Variants in CACNA1E observed in about 807,000 individuals in gnomAD.
The protein encoded by CACNA1E is calcium voltage-gated channel subunit alpha1 E, also known as voltage-dependent R-type calcium channel subunit alpha-1E.
CACNA1E carries 40 observed loss-of-function variants against 259.2 expected under a neutral mutation model. The ratio of observed to expected loss-of-function variants is 0.15; its 90% CI spans 0.12 to 0.20. The LOEUF (loss-of-function observed/expected upper bound fraction) is 0.20. Among genes scored for constraint, CACNA1E ranks in the 10% least tolerant of loss-of-function variants. CACNA1E has a pLI of 1.00. For synonymous variants in CACNA1E, 1,104 were observed against 1,138.5 expected (o/e 0.97, Z 0.61); for missense variants, 1,874 against 3,040.1 (o/e 0.62, Z 9.02).
chr1:181,319,961 C>G (rs1265683712), intron 1 of CACNA1E, among the ~76,000 whole-genome samples: 1 of 152,234 alleles, frequency 6.6e-6, no homozygotes, highest in Non-Finnish European at 1.5e-5. Context: ...AATGCCCATT[C>G]CTGGAGTGGA....
rs1186922512 is a variant in CACNA1E at position 181,805,084 on chromosome 1, C to A, written c.*6250C>A. The A allele has an allele frequency of 6.6e-6, 1 of 152,082 alleles. No individual in the cohort carries two copies. The highest frequency in any genetic ancestry group is 1.5e-5 in the Non-Finnish European group (1 of 68,014). The allele number at this position is 152,082 out of a possible 1,614,324, so 9.4% of individuals were successfully genotyped here. On this transcript the variant is annotated 3_prime_UTR_variant, in exon 48 of 48. Coordinates refer to ENST00000367573, the MANE Select transcript of CACNA1E (RefSeq NM_001205293.3). ...CCCAGCATTGGAAATCTGAACGAAT[C>A]TTTTCTCTTTTTGTCCTACAAGTTT...
At chr1:181,334,884 T>G (rs1257686990) in intron 1 of CACNA1E, among the ~76,000 whole-genome samples, 5 of 152,208 alleles carry the variant, frequency 3.3e-5, no homozygotes, top group Non-Finnish European at 7.3e-5. Context: ...AGCCTTAAAA[T>G]GGCCTATGGA....
Position 181,785,317 on chromosome 1 carries a change from G to T in CACNA1E, c.5579-1G>T. The T allele has an allele frequency of 6.3e-7, 1 of 1,595,504 alleles. No individual in the cohort carries two copies. Among genetic ancestry groups the T allele is most frequent in the Non-Finnish European group, 8.6e-7 (1 of 1,163,438 alleles). On this transcript the variant is annotated splice_acceptor_variant, in intron 41 of 47. Transcript: ENST00000367573. LOFTEE classifies it high-confidence loss of function. ...CCATCATGCCACATTTGTGTTTCTAGCCTCTGACCTGACTGTGGGCAAAAT... is the reference window on the plus strand; with the variant it reads ...CCATCATGCCACATTTGTGTTTCTATCCTCTGACCTGACTGTGGGCAAAAT...
chr1:181,474,288 G>A (rs915327992), intron 2 of CACNA1E, among the ~76,000 whole-genome samples: 2 of 152,228 alleles, frequency 1.3e-5, no homozygotes, highest in African/African-American at 4.8e-5. Flanking sequence ...TAAATCTTGA[G>A]TGCATGTATA....
rs1320817023 is a variant in CACNA1E, at chr1:181,732,473, C to T, written c.2387C>T (p.Ala796Val). The T allele has an allele frequency of 6.4e-7, 1 of 1,551,186 alleles. No individual in the cohort carries two copies. The highest frequency in any genetic ancestry group is 1.2e-5 in the South Asian group (1 of 84,038). The change falls in exon 20 of 48, where the codon GCC (alanine) becomes GTC (valine). Residue 796 changes from alanine to valine, a missense_variant. Coordinates refer to ENST00000367573, the MANE Select transcript of CACNA1E (RefSeq NM_001205293.3). This position sits in a 1 kb window ranked among gnomAD's most constrained non-coding sequence, Gnocchi z 5.5. ...RKHMQMSSQE[A>V]LNREEAPTMN... is the part of the protein sequence containing the mutation. ...CACATGCAGATGTCCAGCCAGGAGG[C>T]CCTCAACAGAGAGGAGGCGCCGACC...
chr1:181,780,932 A>G (rs1281207001), intron 38 of CACNA1E, among the ~76,000 whole-genome samples: 1 of 152,176 alleles, frequency 6.6e-6, no homozygotes, highest in Non-Finnish European at 1.5e-5. Flanking sequence ...CTTCCAGGCC[A>G]GCGCCCCAGC....
At chr1:181,471,147 C>A (rs1662479695) in intron 2 of CACNA1E, among the ~76,000 whole-genome samples, 1 of 152,274 alleles carries the variant, frequency 6.6e-6, no homozygotes, top group South Asian at 2.1e-4. Context: ...TTCTCTCCAG[C>A]CCTTTTATAA....
At chr1:181,733,819 T>C (rs1655768937) in intron 21 of CACNA1E, 69 bp downstream of exon 21, 3 of 1,201,678 alleles carry the variant, frequency 2.5e-6, no homozygotes, top group East Asian at 5.8e-5. Context: ...GCCATGACAA[T>C]AAAGCCACAT....
chr1:181,492,309 T>C (rs1461837134), intron 1 of CACNA1E, among the ~76,000 whole-genome samples: 4 of 152,238 alleles, frequency 2.6e-5, no homozygotes, highest in Admixed American at 6.5e-5. Context: ...TTCAACACAG[T>C]TCCAATGGTG....
At chr1:181,409,009 T>C (rs1657662242) in intron 1 of CACNA1E, among the ~76,000 whole-genome samples, 1 of 152,188 alleles carries the variant, frequency 6.6e-6, no homozygotes, top group African/African-American at 2.4e-5. Context: ...TAGAACCTGC[T>C]TCCATGGGCG....
intron 1 of CACNA1E, among the ~76,000 whole-genome samples, chr1:181,365,361 A>G (rs961591750): frequency 1.3e-5 from 2 of 152,178 alleles, no homozygotes; most frequent in Non-Finnish European, 2.9e-5. Context: ...TTGTAAAGAC[A>G]GGGTCCTGCT....
intron 3 of CACNA1E, 38 bp from the exon 4 acceptor site, chr1:181,577,728 G>T: frequency 2.1e-6 from 3 of 1,409,944 alleles, no homozygotes; most frequent in Non-Finnish European, 2.0e-6. Flanking sequence ...GGGAAAACCA[G>T]ACTGGTAACC....
At chr1:181,751,219 C>T (rs1657567767) in intron 26 of CACNA1E, among the ~76,000 whole-genome samples, 1 of 151,968 alleles carries the variant, frequency 6.6e-6, no homozygotes, top group South Asian at 2.1e-4. Context: ...AGGGGATGAA[C>T]AGAGAAGAAA....
At chr1:181,651,996 A>T (rs1317755715) in intron 7 of CACNA1E, 1 of 152,530 alleles carries the variant, frequency 6.6e-6, no homozygotes, top group Non-Finnish European at 1.5e-5. Context: ...TGAAACAGAG[A>T]ATAGGAGTTC....
intron 36 of CACNA1E, among the ~76,000 whole-genome samples, 159 bp from the exon 37 acceptor site, chr1:181,771,905 CTT>C (rs1659551373): frequency 6.6e-6 from 1 of 152,124 alleles, no homozygotes; most frequent in South Asian, 2.1e-4. Flanking sequence ...CAGTGGGACT[CTT>C]TATCTCTGCA....
chr1:181,505,139 C>T (rs4652659), intron 1 of CACNA1E, among the ~76,000 whole-genome samples: 19,942 of 152,160 alleles, frequency 0.13, 1,505 homozygotes, highest in Non-Finnish European at 0.17. Context: ...CTCTGGCCAT[C>T]GCATTCCTCC....
intron 1 of CACNA1E, among the ~76,000 whole-genome samples, chr1:181,323,551 T>C (rs1001315319): frequency 1.3e-5 from 2 of 152,218 alleles, no homozygotes; most frequent in Non-Finnish European, 2.9e-5. Flanking sequence ...CTATTATCTT[T>C]CTCCCTCTCT....
At chr1:181,517,983 G>C (rs539273682) in intron 3 of CACNA1E, among the ~76,000 whole-genome samples, 2 of 152,208 alleles carry the variant, frequency 1.3e-5, no homozygotes, top group East Asian at 3.9e-4. Context: ...TATTTATATA[G>C]CATCACCAGG....
intron 1 of CACNA1E, among the ~76,000 whole-genome samples, chr1:181,356,421 C>G (rs549056507): frequency 6.4e-4 from 97 of 152,260 alleles, no homozygotes; most frequent in African/African-American, 2.3e-3. Flanking sequence ...TGCTCTGCAT[C>G]TAACCCATAC....
Sources: allele counts gnomAD v4.1 joint callset (sites outside exome capture counted in the v4.1 genomes callset), GRCh38; gene constraint gnomAD v4.1.1; non-coding constraint Gnocchi (gnomAD v3.1); transcripts MANE v1.5; gene names NCBI Gene and HGNC (gene_info 2026-07-23, HGNC 2026-07-21).